The following PHLPP1 variants were observed in gnomAD, a reference collection of about 807,000 sequenced individuals.
PHLPP1 encodes PH domain leucine-rich repeat-containing protein phosphatase 1.
In PHLPP1, 42 loss-of-function variants were observed where a neutral mutation model predicts 117.2. That is an observed-to-expected ratio of 0.36 (90% CI 0.28 to 0.46). PHLPP1 has a LOEUF of 0.46. Among genes scored for constraint, PHLPP1 ranks in the 20% least tolerant of loss-of-function variants. PHLPP1 has a pLI of 1.00. For missense variants in PHLPP1, 2,084 were observed against 2,241.9 expected, an observed-to-expected ratio of 0.93 and a Z score of 1.42; for synonymous variants, 1,042 against 970.7, an observed-to-expected ratio of 1.07 and a Z score of -1.37.
intron 1 of PHLPP1, among the ~76,000 whole-genome samples, chr18:62,764,791 A>G (rs1254839415): frequency 1.3e-5 from 2 of 152,210 alleles, no homozygotes; most frequent in African/African-American, 4.8e-5. Context: ...AGCTTTCATT[A>G]TTATTGGCTA....
At chr18:62,843,206 G>A (rs1299769992) in intron 3 of PHLPP1, 1 of 152,092 alleles carries the variant, frequency 6.6e-6, no homozygotes, top group African/African-American at 2.4e-5. Flanking sequence ...TTTAGATAAG[G>A]ATTCATTTTG....
chr18:62,730,193 G>A (rs1346096996), intron 1 of PHLPP1, among the ~76,000 whole-genome samples: 1 of 152,216 alleles, frequency 6.6e-6, no homozygotes, highest in Non-Finnish European at 1.5e-5. Context: ...CATTTGTGAA[G>A]CATAGACTTT....
intron 10 of PHLPP1, among the ~76,000 whole-genome samples, chr18:62,927,431 A>G (rs1909667231): frequency 6.6e-6 from 1 of 152,198 alleles, no homozygotes; most frequent in Admixed American, 6.5e-5. Context: ...CTATAAGACA[A>G]CATTCCCAGC....
chr18:62,799,466 C>G (rs1036377286), intron 1 of PHLPP1, among the ~76,000 whole-genome samples: 1 of 152,094 alleles, frequency 6.6e-6, no homozygotes, highest in African/African-American at 2.4e-5. Context: ...AATTTTGAAG[C>G]TAGAAAGGAC....
intron 4 of PHLPP1, among the ~76,000 whole-genome samples, chr18:62,862,861 A>G (rs1751317675): frequency 6.6e-6 from 1 of 152,214 alleles, no homozygotes; most frequent in East Asian, 1.9e-4. Context: ...TTTTTAAAGA[A>G]TATTTTTACT....
At chr18:62,973,563 T>C (rs1414027018) in intron 15 of PHLPP1, among the ~76,000 whole-genome samples, 1 of 152,152 alleles carries the variant, frequency 6.6e-6, no homozygotes, top group Non-Finnish European at 1.5e-5. Flanking sequence ...AGTAGCTTTG[T>C]TAGAGGGGTA....
At chr18:62,779,223 C>T (rs946100170) in intron 1 of PHLPP1, among the ~76,000 whole-genome samples, 9 of 152,052 alleles carry the variant, frequency 5.9e-5, no homozygotes, top group Non-Finnish European at 2.9e-5. Flanking sequence ...TTTGTGGTCC[C>T]GTCTGTTGGT....
At chr18:62,768,664 G>T (rs34643931) in intron 1 of PHLPP1, among the ~76,000 whole-genome samples, 9,273 of 152,202 alleles carry the variant, frequency 0.061, 377 homozygotes, top group Middle Eastern at 0.12. Flanking sequence ...TAGTTACGTG[G>T]TTATATTAGA....
intron 16 of PHLPP1, among the ~76,000 whole-genome samples, chr18:62,977,451 A>C: frequency 7.2e-6 from 1 of 138,392 alleles, no homozygotes; most frequent in Non-Finnish European, 1.5e-5. Flanking sequence ...AAAAAAAAAA[A>C]AACCCAGGTC....
At chr18:62,724,363 G>C (rs191410051) in intron 1 of PHLPP1, among the ~76,000 whole-genome samples, 277 of 152,258 alleles carry the variant, frequency 1.8e-3, no homozygotes, top group African/African-American at 6.5e-3. Flanking sequence ...CTTGCCTACC[G>C]GTGCTTAGAG....
intron 1 of PHLPP1, among the ~76,000 whole-genome samples, chr18:62,821,271 G>GA (rs1439074843): frequency 3.3e-5 from 5 of 151,330 alleles, no homozygotes; most frequent in Non-Finnish European, 7.4e-5. Flanking sequence ...CTTTAAAAAA[G>GA]AAAAAATATA....
At chr18:62,836,889 G>A (rs1568133058) in intron 2 of PHLPP1, among the ~76,000 whole-genome samples, 1 of 151,908 alleles carries the variant, frequency 6.6e-6, no homozygotes, top group Non-Finnish European at 1.5e-5. Flanking sequence ...ATCGGAAGGC[G>A]GAGTTTGCAG....
In PHLPP1 at chr18:62,878,052, C is replaced by G. The variant is rs1916091507; in HGVS notation, c.2067-16959C>G. Among the ~76,000 whole-genome samples, 3 of 152,194 alleles carry G rather than the reference C, an allele frequency of 2.0e-5. 1 individual carries two copies. In the South Asian group the frequency reaches 6.2e-4, roughly 31 times the overall value. ...TTGATTCCAATTCAGTTATTGTATT[C>G]TGTCCACTTCCATTCTTTGAGCTCT... On this transcript the variant is annotated intron_variant, in intron 4 of 16. Transcript: ENST00000262719.
At chr18:62,880,555 C>T (rs368567515) in intron 4 of PHLPP1, among the ~76,000 whole-genome samples, 21 of 151,066 alleles carry the variant, frequency 1.4e-4, no homozygotes, top group South Asian at 8.4e-4. Context: ...CCTAGTGTGG[C>T]GGTTAATATT....
intron 1 of PHLPP1, among the ~76,000 whole-genome samples, chr18:62,733,565 A>C (rs1166270682): frequency 2.0e-5 from 3 of 152,162 alleles, no homozygotes; most frequent in African/African-American, 7.2e-5. Flanking sequence ...AATTACTGTG[A>C]TTATTTACTA....
chr18:62,768,660 C>T (rs1045452889), intron 1 of PHLPP1, among the ~76,000 whole-genome samples: 18 of 152,144 alleles, frequency 1.2e-4, no homozygotes, highest in African/African-American at 3.1e-4. Context: ...AGCTTAGTTA[C>T]GTGGTTATAT....
intron 1 of PHLPP1, among the ~76,000 whole-genome samples, chr18:62,751,792 C>T (rs1379543355): frequency 6.6e-6 from 1 of 152,098 alleles, no homozygotes; most frequent in African/African-American, 2.4e-5. Context: ...CTTTCCCCTC[C>T]TCCATTTCCT....
chr18:62,834,350 A>C (rs898458451), intron 2 of PHLPP1, among the ~76,000 whole-genome samples: 2 of 152,160 alleles, frequency 1.3e-5, no homozygotes, highest in Non-Finnish European at 2.9e-5. Context: ...AGATAGAGTG[A>C]TTGGTGAATA....
intron 1 of PHLPP1, among the ~76,000 whole-genome samples, chr18:62,778,973 G>A (rs1404959321): frequency 1.3e-5 from 2 of 152,232 alleles, no homozygotes; most frequent in South Asian, 2.1e-4. Context: ...AGTGGCTGGA[G>A]TAATAAACTC....
Sources: gnomAD v4.1 joint callset for allele counts (sites outside exome capture counted in the v4.1 genomes callset) on GRCh38, gnomAD v4.1.1 for gene constraint, MANE v1.5 for transcripts, NCBI Gene and HGNC (gene_info 2026-07-23, HGNC 2026-07-21) for gene names.